The following COG5 variants were observed in gnomAD, a reference collection of about 807,000 sequenced individuals.
COG5 encodes component of oligomeric golgi complex 5.
COG5 carries 86 observed loss-of-function variants against 110.4 expected under a neutral mutation model. The ratio of observed to expected loss-of-function variants is 0.78; its 90% CI spans 0.65 to 0.93. The LOEUF is 0.93. COG5 is among the 40% of genes least tolerant of loss of function. The pLI, the probability that COG5 is intolerant of heterozygous loss-of-function variation, is 0.00. For synonymous variants in COG5, 360 were observed against 334.6 expected (o/e 1.08, Z -0.83); for missense variants, 1,077 against 987.0 (o/e 1.09, Z -1.22).
chr7:107,239,587 A>C (rs1801458161), intron 17 of COG5, among the ~76,000 whole-genome samples: 1 of 152,198 alleles, frequency 6.6e-6, no homozygotes, highest in East Asian at 1.9e-4. Flanking sequence ...ATGAACACAG[A>C]ATATGTTTCC....
Position 107,534,966 on chromosome 7 carries a change from A to C in COG5, c.418-7609T>G, listed in dbSNP as rs972941647. Among the ~76,000 whole-genome samples, 12 of 151,574 alleles carry C rather than the reference A, an allele frequency of 7.9e-5. 2 individuals are homozygous for C. Among genetic ancestry groups the C allele is most frequent in the African/African-American group, 2.9e-4 (12 of 40,910 alleles). On this transcript the variant is annotated intron_variant, in intron 5 of 21. Transcript: ENST00000297135. ...TAAAAGAATGGAAATCATAACCAAC[A>C]GTCTCTCAGACCACAGTGCAACCAA...
At chr7:107,540,767 A>G (rs1418660781) in intron 5 of COG5, among the ~76,000 whole-genome samples, 1 of 152,046 alleles carries the variant, frequency 6.6e-6, no homozygotes, top group East Asian at 1.9e-4. Context: ...TATGTAAAGA[A>G]GCAAAACACA....
At chr7:107,393,862 G>C (rs139728496) in intron 7 of COG5, among the ~76,000 whole-genome samples, 18 of 152,254 alleles carry the variant, frequency 1.2e-4, no homozygotes, top group Non-Finnish European at 2.2e-4. Flanking sequence ...AATTGTCACT[G>C]TAAGTTTCAA....
chr7:107,465,511 T>C (rs1003933121), intron 6 of COG5, among the ~76,000 whole-genome samples: 1 of 152,178 alleles, frequency 6.6e-6, no homozygotes, highest in Non-Finnish European at 1.5e-5. Context: ...ACTGTTAAGA[T>C]GTCATTTCTT....
intron 14 of COG5, among the ~76,000 whole-genome samples, chr7:107,272,323 C>T (rs1804345176): frequency 1.3e-5 from 2 of 152,208 alleles, no homozygotes; most frequent in South Asian, 4.1e-4. Context: ...TACCTGTGAT[C>T]TGGAAGCCCC....
Position 107,474,253 on chromosome 7 carries a change from C to A in COG5, c.538+52984G>T, listed in dbSNP as rs1420823758. ...TGGCAGCAACCTCACTGTATTGGTA[C>A]TTTACTGCATGAAATCCAACTTAAT... On this transcript the variant is annotated intron_variant, in intron 6 of 21. Coordinates refer to ENST00000297135, the MANE Select transcript of COG5 (RefSeq NM_006348.5). The surrounding 1 kb of genome is among the most constrained non-coding windows in gnomAD (Gnocchi z 5.7). 1 of 1,612,380 alleles carries A rather than the reference C, an allele frequency of 6.2e-7. No homozygotes were observed. Among genetic ancestry groups the A allele is most frequent in the East Asian group, 2.2e-5 (1 of 44,856 alleles).
At chr7:107,209,806 C>A (rs1272441752) in intron 21 of COG5, 2 of 984,794 alleles carry the variant, frequency 2.0e-6, no homozygotes, top group Admixed American at 6.1e-5. Flanking sequence ...TGCTGAGTCC[C>A]AGTTTATGAG....
At chr7:107,444,958 C>A (rs978985547) in intron 6 of COG5, among the ~76,000 whole-genome samples, 2 of 152,002 alleles carry the variant, frequency 1.3e-5, no homozygotes, top group Non-Finnish European at 2.9e-5. Flanking sequence ...GAGGCCAAGG[C>A]GGGGGAACTG....
chr7:107,540,510 A>G (rs1235987174), intron 5 of COG5, among the ~76,000 whole-genome samples: 1 of 151,312 alleles, frequency 6.6e-6, no homozygotes, highest in East Asian at 1.9e-4. Flanking sequence ...CCCAGCACTT[A>G]GAGGTTACAG....
At chr7:107,240,108 T>A (rs575539841) in intron 17 of COG5, among the ~76,000 whole-genome samples, 2 of 152,220 alleles carry the variant, frequency 1.3e-5, no homozygotes, top group Non-Finnish European at 2.9e-5. Flanking sequence ...TCTATGTCAA[T>A]CAGATATTTA....
chr7:107,450,031 T>C (rs1057210401), intron 6 of COG5: 1 of 152,236 alleles, frequency 6.6e-6, no homozygotes, highest in African/African-American at 2.4e-5. Flanking sequence ...GGGGTGTGGC[T>C]TTAAAAATAT....
chr7:107,348,734 G>A (rs997947819), intron 10 of COG5, among the ~76,000 whole-genome samples: 4 of 152,044 alleles, frequency 2.6e-5, no homozygotes, highest in African/African-American at 9.7e-5. Flanking sequence ...TTCATTTTAT[G>A]TGTCTCTGAA....
At chr7:107,430,929 A>T (rs1407757320) in intron 6 of COG5, among the ~76,000 whole-genome samples, 1 of 152,138 alleles carries the variant, frequency 6.6e-6, no homozygotes, top group East Asian at 1.9e-4. Context: ...TGAGAATGGA[A>T]GCAGGAGGAG....
chr7:107,332,163 G>A (rs1270970764), intron 10 of COG5, among the ~76,000 whole-genome samples: 1 of 150,614 alleles, frequency 6.6e-6, no homozygotes, highest in Non-Finnish European at 1.5e-5. Flanking sequence ...CTGCTTTTCA[G>A]CAAGATCTAT....
chr7:107,299,853 A>ATATATATATATATC (rs1204392279), intron 11 of COG5, among the ~76,000 whole-genome samples: 17 of 126,452 alleles, frequency 1.3e-4, no homozygotes, highest in Admixed American at 3.2e-4. Context: ...ATATATATAT[A>ATATATATATATATC]TATATCTGGA....
chr7:107,461,573 G>A (rs1030469719), intron 6 of COG5, among the ~76,000 whole-genome samples: 4 of 152,060 alleles, frequency 2.6e-5, no homozygotes, highest in African/African-American at 7.2e-5. Flanking sequence ...TCTTGGCTAC[G>A]GCAATAAGGC....
At chr7:107,553,230 G>A (rs748041782) in intron 3 of COG5, among the ~76,000 whole-genome samples, 11 of 151,882 alleles carry the variant, frequency 7.2e-5, no homozygotes, top group African/African-American at 9.7e-5. Flanking sequence ...ATACCCCCCC[G>A]GATCTAAAAT....
intron 6 of COG5, among the ~76,000 whole-genome samples, chr7:107,451,297 G>A (rs1410465069): frequency 6.6e-6 from 1 of 152,126 alleles, no homozygotes; most frequent in African/African-American, 2.4e-5. Context: ...TTCCAAACCA[G>A]TGCCAGAAGA....
chr7:107,467,781 C>T (rs1201293647), intron 6 of COG5, among the ~76,000 whole-genome samples: 1 of 152,086 alleles, frequency 6.6e-6, no homozygotes, highest in African/African-American at 2.4e-5. Context: ...TTGTTAATCA[C>T]CAATTTGTGG....
Sources: allele counts gnomAD v4.1 joint callset (sites outside exome capture counted in the v4.1 genomes callset), GRCh38; gene constraint gnomAD v4.1.1; non-coding constraint Gnocchi (gnomAD v3.1); transcripts MANE v1.5; gene names NCBI Gene and HGNC (gene_info 2026-07-23, HGNC 2026-07-21).